BIRC2: variants seen among roughly 807,000 people sequenced by gnomAD.
The protein encoded by BIRC2 is baculoviral IAP repeat-containing protein 2.
In BIRC2, 18 loss-of-function variants were observed where a neutral mutation model predicts 60.9. The ratio of observed to expected loss-of-function variants is 0.30; its 90% CI spans 0.20 to 0.44. BIRC2 has a LOEUF of 0.44. BIRC2 is among the 20% of genes least tolerant of loss of function. BIRC2 has a pLI of 1.00. For missense variants in BIRC2, 701 were observed against 728.5 expected (o/e 0.96, Z 0.43); for synonymous variants, 282 against 247.7 (o/e 1.14, Z -1.30).
At chr11:102,362,733 A>G in intron 3 of BIRC2, 163 bp from the exon 4 acceptor site, 2 of 540,126 alleles carry the variant, frequency 3.7e-6, no homozygotes, top group East Asian at 2.9e-5. Context: ...ATATTGTTTT[A>G]TGATAATTTT....
chr11:102,364,182 C>G lies in BIRC2; in HGVS notation c.1123+466C>G, dbSNP rs1320338123. On this transcript the variant is annotated intron_variant, in intron 5 of 8. Transcript: ENST00000227758. ...ATATATATATATATATATACACACA[C>G]ACACAGAGAGAGAGAGAGAGAGAGA... 9.3e-3 allele frequency among the ~76,000 whole-genome samples: 803 copies of G among 86,558 alleles called. 12 individuals carry two copies. Among genetic ancestry groups the G allele is most frequent in the Admixed American group, 0.015 (128 of 8,800 alleles). The allele number at this position is 86,558 out of a possible 152,430, so 56.8% of individuals were successfully genotyped here.
At chr11:102,361,464 G>A (rs774175289) in intron 3 of BIRC2, among the ~76,000 whole-genome samples, 1 of 151,990 alleles carries the variant, frequency 6.6e-6, no homozygotes, top group Non-Finnish European at 1.5e-5. Context: ...GGCAGTGCAA[G>A]AGCTGCTTTT....
At chr11:102,371,873 G>A (rs1298806831) in intron 6 of BIRC2, among the ~76,000 whole-genome samples, 12 of 151,734 alleles carry the variant, frequency 7.9e-5, no homozygotes, top group East Asian at 3.8e-4. Context: ...CAGAGATTCA[G>A]CTTCTTCCTG....
chr11:102,374,589 C>T lies in BIRC2; in HGVS notation c.1367-2907C>T, dbSNP rs1344371312. Among the ~76,000 whole-genome samples, 59 of 151,522 alleles carry T rather than the reference C, an allele frequency of 3.9e-4. No individual in the cohort carries two copies. In the East Asian group the frequency reaches 5.4e-3, roughly 14 times the overall value. On this transcript the variant is annotated intron_variant, in intron 6 of 8. Coordinates refer to ENST00000227758, the MANE Select transcript of BIRC2 (RefSeq NM_001166.5). ...TCTTCAAAGCTGTCAGACAGGGACA[C>T]TTAAGTCTGCAGAGGTTACTGCTGT... is the stretch of plus-strand genomic sequence containing the variant.
intron 5 of BIRC2, among the ~76,000 whole-genome samples, chr11:102,364,899 C>A (rs567108354): frequency 2.0e-5 from 3 of 152,214 alleles, no homozygotes; most frequent in Non-Finnish European, 4.4e-5. Context: ...AAATTTATAA[C>A]CACTGCTATT....
At position 102,368,447 on chromosome 11, in the gene BIRC2, A is replaced by G. The variant is rs1266861730; in HGVS notation, c.1265A>G (p.Glu422Gly). ...TVQSKILTTGENYKTVNDIVS... is the reference protein window; with the variant it reads ...TVQSKILTTGGNYKTVNDIVS... ...CAAAGTAAAATCCTGACAACTGGAG[A>G]GAACTATAAAACAGTTAATGATATT... The change falls in exon 6 of 9, where the codon GAG (glutamate) becomes GGG (glycine). Residue 422 changes from glutamate to glycine, a missense_variant. This residue lies in a region of BIRC2 where 235 missense variants were observed against 208.9 expected (regional missense o/e 1.12). Transcript: ENST00000227758. 1.9e-6 allele frequency: 3 copies of G among 1,614,026 alleles called. No homozygotes were observed. In the Admixed American group the frequency reaches 5.0e-5, roughly 27 times the overall value.
intron 3 of BIRC2, among the ~76,000 whole-genome samples, chr11:102,353,937 T>A (rs1951391284): frequency 6.6e-6 from 1 of 152,126 alleles, no homozygotes; most frequent in African/African-American, 2.4e-5. Flanking sequence ...GAGGACTGGT[T>A]CTAGGACCCC....
chr11:102,364,140 T>TAC (rs1491335674), intron 5 of BIRC2, among the ~76,000 whole-genome samples: 2 of 12,200 alleles, frequency 1.6e-4, no homozygotes, highest in Non-Finnish European at 2.9e-4. Context: ...TAATAAATAT[T>TAC]ATATATATAT....
Position 102,350,279 on chromosome 11 carries a change from C to T in BIRC2, c.425C>T (p.Thr142Ile), listed in dbSNP as rs1027006922. The T allele has an allele frequency of 2.1e-5, 34 of 1,614,108 alleles. No individual in the cohort carries two copies. The Admixed American group carries it at 5.2e-4, about 25-fold the overall frequency. Residue 142 changes from threonine (T) to isoleucine (I), a missense_variant, in exon 2 of 9, where the codon ACC becomes ATC. Physicochemically the swap from Thr to Ile is moderately conservative, Grantham distance 89. This residue lies in a region of BIRC2 where 375 missense variants were observed against 365.9 expected (regional missense o/e 1.02). Transcript: ENST00000227758. ...AGTTTTGCACATTCATTATCTCCCA[C>T]CTTGGAACATAGTAGCTTGTTCAGT... Reference protein sequence around the residue: ...RNSFAHSLSPTLEHSSLFSGS... With the variant: ...RNSFAHSLSPILEHSSLFSGS...
chr11:102,364,176 C>T (rs1023390130), intron 5 of BIRC2, among the ~76,000 whole-genome samples: 3,409 of 47,574 alleles, frequency 0.072, 61 homozygotes, highest in Non-Finnish European at 0.092. Context: ...TATATATATA[C>T]ACACACACAC....
chr11:102,363,381 G>A (rs1379152401), intron 4 of BIRC2, among the ~76,000 whole-genome samples: 2 of 152,164 alleles, frequency 1.3e-5, no homozygotes, highest in African/African-American at 4.8e-5. Context: ...TGAGACCCTT[G>A]GAGAGTAACC....
At chr11:102,377,814 T>G (rs780888419) in intron 7 of BIRC2, 43 bp from the exon 8 acceptor site, 2 of 1,594,518 alleles carry the variant, frequency 1.3e-6, no homozygotes, top group Non-Finnish European at 1.7e-6. Flanking sequence ...TGGCTCAGTT[T>G]TGTATTTAGT....
chr11:102,354,120 C>G (rs750402231), intron 3 of BIRC2, among the ~76,000 whole-genome samples: 1 of 152,200 alleles, frequency 6.6e-6, no homozygotes, highest in Non-Finnish European at 1.5e-5. Context: ...CTGTGTTGTT[C>G]AAGGGCCAGT....
Position 102,368,542 on chromosome 11 carries a change from G to T in BIRC2, c.1360G>T (p.Ala454Ser). Residue 454 changes from alanine to serine, a missense_variant, in exon 6 of 9, where the codon GCA becomes TCA. Ala to Ser is a moderately conservative substitution (Grantham distance 99, BLOSUM62 1). Coordinates refer to ENST00000227758, the MANE Select transcript of BIRC2 (RefSeq NM_001166.5). ...EEKEKQAEEM[A>S]SDDLSLIRKN... is the part of the protein sequence containing the mutation. Reference sequence around the variant, plus strand: ...GAAGGAAAAACAAGCTGAAGAAATGGCATCAGGTATTTGGGGATGTTAGTC... The same window carrying T: ...GAAGGAAAAACAAGCTGAAGAAATGTCATCAGGTATTTGGGGATGTTAGTC... 2 of 1,612,750 alleles carry T rather than the reference G, an allele frequency of 1.2e-6. No homozygotes were observed. The highest frequency in any genetic ancestry group is 2.2e-5 in the South Asian group (2 of 90,904).
chr11:102,367,517 A>G (rs999897438), intron 5 of BIRC2, among the ~76,000 whole-genome samples: 11 of 152,186 alleles, frequency 7.2e-5, no homozygotes, highest in Admixed American at 7.2e-4. Flanking sequence ...TTGTATATTT[A>G]TTATAAGTTT....
chr11:102,374,400 G>A (rs1481271385), intron 6 of BIRC2, among the ~76,000 whole-genome samples: 2 of 148,246 alleles, frequency 1.3e-5, no homozygotes, highest in East Asian at 2.0e-4. Flanking sequence ...AGGACCCTCA[G>A]CTGCAGGTCT....
At chr11:102,351,413 G>C (rs1951357416) in intron 3 of BIRC2, among the ~76,000 whole-genome samples, 1 of 152,062 alleles carries the variant, frequency 6.6e-6, no homozygotes, top group Non-Finnish European at 1.5e-5. Context: ...TCAGGAGTTT[G>C]AGACCAGCCT....
intron 3 of BIRC2, among the ~76,000 whole-genome samples, chr11:102,354,491 C>T (rs1051443965): frequency 3.3e-5 from 5 of 152,168 alleles, no homozygotes. Context: ...ACCACCACGC[C>T]CAGCCAGGCT....
intron 5 of BIRC2, among the ~76,000 whole-genome samples, chr11:102,364,174 T>TATATATATATATACACACACACACAC (rs1389968594): frequency 3.8e-5 from 3 of 78,110 alleles, no homozygotes; most frequent in African/African-American, 2.0e-4. Context: ...TATATATATA[T>TATATATATATATACACACACACACAC]ACACACACAC....
Sources: allele counts gnomAD v4.1 joint callset (sites outside exome capture counted in the v4.1 genomes callset), GRCh38; gene constraint gnomAD v4.1.1; regional missense constraint gnomAD v4.1.1; transcripts MANE v1.5; gene names NCBI Gene and HGNC (gene_info 2026-07-23, HGNC 2026-07-21).